PIK3CG: variants seen among roughly 807,000 people sequenced by gnomAD.
PIK3CG encodes phosphatidylinositol 4,5-bisphosphate 3-kinase catalytic subunit gamma isoform.
A neutral mutation model predicts 102.3 loss-of-function variants in PIK3CG; 55 were observed. The ratio of observed to expected loss-of-function variants is 0.54; its 90% confidence interval spans 0.43 to 0.67. The LOEUF is 0.67. Among genes scored for constraint, PIK3CG ranks in the 30% least tolerant of loss-of-function variants. The pLI is 0.00. For synonymous variants in PIK3CG, 552 were observed against 540.0 expected, an observed-to-expected ratio of 1.02 and a Z score of -0.31; for missense variants, 1,258 against 1,391.8, an observed-to-expected ratio of 0.90 and a Z score of 1.53.
rs765409209 is a variant in PIK3CG, at chr7:106,879,020, G to A, written c.2392-499G>A. Among the ~76,000 whole-genome samples the A allele has an allele frequency of 2.6e-5, 4 of 152,128 alleles. No individual in the cohort carries two copies. Among genetic ancestry groups the A allele is most frequent in the Non-Finnish European group, 5.9e-5 (4 of 68,014 alleles). On this transcript the variant is annotated intron_variant, in intron 5 of 10. Coordinates refer to ENST00000496166, the MANE Select transcript of PIK3CG (RefSeq NM_001282426.2). The surrounding 1 kb of genome is among the most constrained non-coding windows in gnomAD (Gnocchi z 4.9). ...ATGAGGTTTAGGGGGAGGGCGTGTTGTACCTAAATGCCAGATTTTCCATTT... is the reference window on the plus strand; with the variant it reads ...ATGAGGTTTAGGGGGAGGGCGTGTTATACCTAAATGCCAGATTTTCCATTT...
At position 106,907,194 on chromosome 7, in the gene PIK3CG, A is replaced by T. The variant is rs560592475; in HGVS notation, c.*1807A>T. The T allele has an allele frequency of 5.9e-6, 1 of 169,882 alleles. No individual in the cohort carries two copies. The highest frequency in any genetic ancestry group is 6.4e-5 in the Admixed American group (1 of 15,700). The allele number at this position is 169,882 out of a possible 1,614,324, so 10.5% of individuals were successfully genotyped here. The stretch of plus-strand genomic sequence containing the variant: ...CAGGTTATAATTTAATTACTGTGGG[A>T]TGAGACCCAGACATCAATATTTTTC... On this transcript the variant is annotated 3_prime_UTR_variant, in exon 11 of 11. Transcript: ENST00000496166.
chr7:106,868,987 C>A lies in PIK3CG; in HGVS notation c.1426C>A (p.Arg476Ser), dbSNP rs567756361. ...LLLIDHRFLLRRGEYVLHMWQ... is the reference protein window; with the variant it reads ...LLLIDHRFLLSRGEYVLHMWQ... ...GCTGATAGACCACCGTTTCCTCCTG[C>A]GCCGTGGAGAATACGTCCTCCACAT... Residue 476 changes from arginine (R) to serine (S), a missense_variant, in exon 2 of 11, where the codon CGC (arginine) becomes AGC (serine). Arg to Ser is a moderately radical substitution (Grantham distance 110). Coordinates refer to ENST00000496166, the MANE Select transcript of PIK3CG (RefSeq NM_001282426.2). This position sits in a 1 kb window ranked among gnomAD's most constrained non-coding sequence, Gnocchi z 6.2. 6.2e-7 allele frequency: 1 copy of A among 1,614,136 alleles called. No individual in the cohort carries two copies. The highest frequency in any genetic ancestry group is 8.5e-7 in the Non-Finnish European group (1 of 1,180,014).
Position 106,883,243 on chromosome 7 carries a change from A to T in PIK3CG, c.2760+80A>T. On this transcript the variant is annotated intron_variant, in intron 8 of 10. Coordinates refer to ENST00000496166, the MANE Select transcript of PIK3CG (RefSeq NM_001282426.2). The surrounding 1 kb of genome is among the most constrained non-coding windows in gnomAD (Gnocchi z 5.8). ...AGCAGTAGTGGCTTCAAGTTTTCAG[A>T]GAATCTGCCAGTGTCTTGCCTCCTG... 7.0e-7 allele frequency: 1 copy of T among 1,432,942 alleles called. No homozygotes were observed. Among genetic ancestry groups the T allele is most frequent in the Admixed American group, 1.8e-5 (1 of 55,422 alleles). The allele number at this position is 1,432,942 out of a possible 1,614,324, so 88.8% of individuals were successfully genotyped here. A position where few individuals can be genotyped will look rare whatever the true frequency, so the allele number is the denominator to read the frequency against.
chr7:106,873,036 A>C (rs1319005643), intron 4 of PIK3CG, 98 bp downstream of exon 4: 1 of 894,338 alleles, frequency 1.1e-6, no homozygotes, highest in Non-Finnish European at 1.8e-6. Flanking sequence ...TCCAAGTTGC[A>C]TCCTCCTGAA....
rs1791302121 is a variant in PIK3CG, at chr7:106,892,942, G to A, written c.3030+6650G>A. Among the ~76,000 whole-genome samples the A allele has an allele frequency of 6.6e-6, 1 of 152,186 alleles. No individual in the cohort carries two copies. Among genetic ancestry groups the A allele is most frequent in the African/African-American group, 2.4e-5 (1 of 41,452 alleles). On this transcript the variant is annotated intron_variant, in intron 10 of 10. Coordinates refer to ENST00000496166, the MANE Select transcript of PIK3CG (RefSeq NM_001282426.2). This position sits in a 1 kb window ranked among gnomAD's most constrained non-coding sequence, Gnocchi z 5.2. The stretch of plus-strand genomic sequence containing the variant: ...AACAAGAAGTATATTTACCTGGTAT[G>A]GATAGAAAGTGGTATTTCTGGAAGT...
Position 106,905,118 on chromosome 7 carries a change from G to A in PIK3CG, c.3040G>A (p.Val1014Ile), listed in dbSNP as rs201355541. The A allele has an allele frequency of 1.9e-5, 30 of 1,613,804 alleles. No individual in the cohort carries two copies. Among genetic ancestry groups the A allele is most frequent in the East Asian group, 1.6e-4 (7 of 44,868 alleles). ...CTTCTTCTTTATCCAGGACATCTGT[G>A]TTAAGGCTTATCTAGCCCTTCGTCA... is the stretch of plus-strand genomic sequence containing the variant. ...PHFQKFQDIC[V>I]KAYLALRHHT... The change falls in exon 11 of 11, where the codon GTT becomes ATT. Residue 1014 changes from valine (V) to isoleucine (I), a missense_variant. Transcript: ENST00000496166. The surrounding 1 kb of genome is among the most constrained non-coding windows in gnomAD (Gnocchi z 5.6).
At chr7:106,898,732 G>A (rs558296800) in intron 10 of PIK3CG, among the ~76,000 whole-genome samples, 2 of 152,208 alleles carry the variant, frequency 1.3e-5, no homozygotes, top group African/African-American at 4.8e-5. Flanking sequence ...TGCTCCTTTG[G>A]TCTCTGTGCC....
chr7:106,896,136 T>C (rs1791402176), intron 10 of PIK3CG, among the ~76,000 whole-genome samples: 1 of 152,204 alleles, frequency 6.6e-6, no homozygotes, highest in African/African-American at 2.4e-5. Context: ...GTGAGTGAAA[T>C]AGCCTTCGAG....
rs1003154957 is a variant in PIK3CG, at chr7:106,867,126, A to G, written c.-12-424A>G. On this transcript the variant is annotated intron_variant, in intron 1 of 10. Transcript: ENST00000496166. This position sits in a 1 kb window ranked among gnomAD's most constrained non-coding sequence, Gnocchi z 5.1. Reference sequence around the variant, plus strand: ...TTAAGAACAATGTCCATTCTGAGCCATTATAATGTGTCATGCGCTGTGCTG... The same window carrying G: ...TTAAGAACAATGTCCATTCTGAGCCGTTATAATGTGTCATGCGCTGTGCTG... Among the ~76,000 whole-genome samples the G allele has an allele frequency of 6.6e-6, 1 of 152,368 alleles. No homozygotes were observed. Among genetic ancestry groups the G allele is most frequent in the Admixed American group, 6.5e-5 (1 of 15,308 alleles).
At chr7:106,882,986 A>G (rs2116542825) in intron 7 of PIK3CG, 47 bp from the exon 8 acceptor site, 4 of 1,569,168 alleles carry the variant, frequency 2.5e-6, no homozygotes, top group Non-Finnish European at 3.5e-6. Flanking sequence ...CCTCTGGGCC[A>G]GGTACTGGCC....
rs1013112856 is a variant in PIK3CG, at chr7:106,895,977, T to C, written c.3031-9132T>C. Among the ~76,000 whole-genome samples, 3 of 152,194 alleles carry C rather than the reference T, an allele frequency of 2.0e-5. No individual in the cohort carries two copies. The highest frequency in any genetic ancestry group is 2.1e-4 in the South Asian group (1 of 4,828). ...TAAAGCTGCACCAAGTCTCTAAGTG[T>C]GTACAGCCCATCAGAATCTCGACAC... On this transcript the variant is annotated intron_variant, in intron 10 of 10. Transcript: ENST00000496166. This position sits in a 1 kb window ranked among gnomAD's most constrained non-coding sequence, Gnocchi z 5.4.
Position 106,867,816 on chromosome 7 carries a change from G to T in PIK3CG, c.255G>T (p.Ala85=), listed in dbSNP as rs562007121. Residue 85 remains alanine, a synonymous_variant, in exon 2 of 11, where the codon GCG becomes GCT. Coordinates refer to ENST00000496166, the MANE Select transcript of PIK3CG (RefSeq NM_001282426.2). This position sits in a 1 kb window ranked among gnomAD's most constrained non-coding sequence, Gnocchi z 5.1. ...GAGCGCTGGAGACCAGCGTGGCGGCGGACTTCTACCACCGGCTGGGACCGC... is the reference window on the plus strand; with the variant it reads ...GAGCGCTGGAGACCAGCGTGGCGGCTGACTTCTACCACCGGCTGGGACCGC... ...WLRALETSVA[A]DFYHRLGPHH... 1.9e-6 allele frequency: 3 copies of T among 1,612,420 alleles called. No individual in the cohort carries two copies. In the African/African-American group the frequency reaches 4.0e-5, roughly 21 times the overall value.
rs1162630488 is a variant in PIK3CG, at chr7:106,890,031, T to TA, written c.3030+3740dup. ...GAGGAATAAAAAAGAAAAGTGTTTT[T>TA]ACTCATTGGTAATTTATTCTAGACC... On this transcript the variant is annotated intron_variant, in intron 10 of 10. Coordinates refer to ENST00000496166, the MANE Select transcript of PIK3CG (RefSeq NM_001282426.2). The surrounding 1 kb of genome is among the most constrained non-coding windows in gnomAD (Gnocchi z 4.2). Among the ~76,000 whole-genome samples, 1 of 152,262 alleles carries TA rather than the reference T, an allele frequency of 6.6e-6. No homozygotes were observed. Among genetic ancestry groups the TA allele is most frequent in the Non-Finnish European group, 1.5e-5 (1 of 68,054 alleles).
At chr7:106,889,996 T>G (rs946442062) in intron 10 of PIK3CG, among the ~76,000 whole-genome samples, 2 of 152,224 alleles carry the variant, frequency 1.3e-5, no homozygotes, top group Non-Finnish European at 2.9e-5. Flanking sequence ...CAGAAAAATC[T>G]CCCTTATGGG....
intron 10 of PIK3CG, among the ~76,000 whole-genome samples, chr7:106,889,223 T>C (rs910089100): frequency 2.6e-5 from 4 of 152,192 alleles, no homozygotes; most frequent in African/African-American, 7.2e-5. Flanking sequence ...TCCCTCATCC[T>C]TCACAACAGG....
At position 106,886,205 on chromosome 7, in the gene PIK3CG, G is replaced by C. The variant is rs2116561442; in HGVS notation, c.2943G>C (p.Glu981Asp). Residue 981 changes from glutamate to aspartate, a missense_variant, in exon 10 of 11, where the codon GAG becomes GAC. Transcript: ENST00000496166. The stretch of plus-strand genomic sequence containing the variant: ...AAAGTTTCCTGGGCATTAATAAAGA[G>C]AGAGTGCCATTTGTGCTAACCCCTG... Reference protein sequence around the residue: ...NYKSFLGINKERVPFVLTPDF... With the variant: ...NYKSFLGINKDRVPFVLTPDF... 1 of 1,614,078 alleles carries C rather than the reference G, an allele frequency of 6.2e-7. No homozygotes were observed. Among genetic ancestry groups the C allele is most frequent in the Non-Finnish European group, 8.5e-7 (1 of 1,179,912 alleles).
chr7:106,888,405 T>C (rs1791169356), intron 10 of PIK3CG, among the ~76,000 whole-genome samples: 1 of 152,234 alleles, frequency 6.6e-6, no homozygotes, highest in African/African-American at 2.4e-5. Context: ...GTTGTTGCTA[T>C]TTTTAAGTTT....
At chr7:106,901,239 T>G (rs1162134802) in intron 10 of PIK3CG, among the ~76,000 whole-genome samples, 1 of 149,002 alleles carries the variant, frequency 6.7e-6, no homozygotes, top group African/African-American at 2.5e-5. Context: ...TTCTCAGTGG[T>G]TTTTTTTTTC....
intron 10 of PIK3CG, among the ~76,000 whole-genome samples, chr7:106,904,492 G>C (rs965073096): frequency 1.3e-5 from 2 of 152,238 alleles, no homozygotes; most frequent in East Asian, 1.9e-4. Flanking sequence ...TGTATCACCT[G>C]CTCCAAAGCT....
Sources: gnomAD v4.1 joint callset for allele counts (sites outside exome capture counted in the v4.1 genomes callset) on GRCh38, gnomAD v4.1.1 for gene constraint, Gnocchi (gnomAD v3.1) non-coding constraint, MANE v1.5 for transcripts, NCBI Gene and HGNC (gene_info 2026-07-23, HGNC 2026-07-21) for gene names.